SLAIN1: variants seen among roughly 807,000 people sequenced by gnomAD.
The protein encoded by SLAIN1 is SLAIN family member 1.
In SLAIN1, 17 loss-of-function variants were observed where a neutral mutation model predicts 55.4. That is an observed-to-expected ratio of 0.31 (90% confidence interval 0.21 to 0.46). The LOEUF (loss-of-function observed/expected upper bound fraction) is 0.46, where lower values mean the gene tolerates loss of function less well. Ranked by LOEUF, SLAIN1 falls within the 20% of genes least tolerant of loss-of-function variation. The probability of loss-of-function intolerance (pLI) is 1.00; values close to 1 mark genes in which losing one functional copy is unlikely to be tolerated. For missense variants in SLAIN1, 682 were observed against 785.1 expected (o/e 0.87, Z 1.57); for synonymous variants, 348 against 337.4 (o/e 1.03, Z -0.35).
chr13:77,742,032 CATGAG>C (rs1465662037), intron 2 of SLAIN1, among the ~76,000 whole-genome samples: 2 of 151,866 alleles, frequency 1.3e-5, no homozygotes, highest in African/African-American at 4.8e-5. Context: ...ATTTGTATCT[CATGAG>C]AGGAGAGTAA....
intron 2 of SLAIN1, among the ~76,000 whole-genome samples, chr13:77,734,070 A>G (rs1189694246): frequency 6.6e-6 from 1 of 152,164 alleles, no homozygotes; most frequent in Admixed American, 6.5e-5. Flanking sequence ...TAGTGTAAAC[A>G]TTTGAGCACA....
intron 1 of SLAIN1, among the ~76,000 whole-genome samples, chr13:77,718,888 G>A (rs1254811140): frequency 6.6e-6 from 1 of 152,074 alleles, no homozygotes; most frequent in African/African-American, 2.4e-5. Flanking sequence ...TAGTCATTTT[G>A]AATACTATCC....
At chr13:77,708,872 A>G (rs2091117208) in intron 1 of SLAIN1, among the ~76,000 whole-genome samples, 1 of 151,922 alleles carries the variant, frequency 6.6e-6, no homozygotes, top group Admixed American at 6.6e-5. Flanking sequence ...AAGGATCACA[A>G]CTCCTTGCCA....
In SLAIN1 at chr13:77,698,918, CGG is replaced by C. The variant is rs1566215106; in HGVS notation, c.626+383_626+384del. Reference sequence around the variant, plus strand: ...TTCCCCAGTGTTTTCGGAGGGATGACGGGGGATGGTAGGGGTTGGCCTCTGTC... The same window carrying C: ...TTCCCCAGTGTTTTCGGAGGGATGACGGGATGGTAGGGGTTGGCCTCTGTC... On this transcript the variant is annotated intron_variant, in intron 1 of 6. Transcript: ENST00000418532. This position sits in a 1 kb window ranked among gnomAD's most constrained non-coding sequence, Gnocchi z 4.1. 4.6e-6 allele frequency: 7 copies of C among 1,533,436 alleles called. No homozygotes were observed. The highest frequency in any genetic ancestry group is 2.4e-5 in the East Asian group (1 of 40,890). The allele number at this position is 1,533,436 out of a possible 1,614,324, so 95.0% of individuals were successfully genotyped here.
intron 2 of SLAIN1, among the ~76,000 whole-genome samples, chr13:77,732,144 C>T (rs1033065305): frequency 6.6e-6 from 1 of 152,046 alleles, no homozygotes; most frequent in African/African-American, 2.4e-5. Context: ...AGCCATAACT[C>T]AAAGAAGAGT....
Position 77,760,813 on chromosome 13 carries a change from C to T in SLAIN1, c.1415-15C>T, listed in dbSNP as rs1260390205. The stretch of plus-strand genomic sequence containing the variant: ...GGTAGAAGGTTGCTCACATGAATAT[C>T]ATTTTCTCTTCTAGTTCCATCACCG... On this transcript the variant is annotated splice_polypyrimidine_tract_variant and intron_variant, in intron 5 of 6. Transcript: ENST00000418532. The T allele has an allele frequency of 6.2e-7, 1 of 1,609,918 alleles. No individual in the cohort carries two copies.
At chr13:77,736,163 G>T (rs1873105658) in intron 2 of SLAIN1, among the ~76,000 whole-genome samples, 1 of 151,934 alleles carries the variant, frequency 6.6e-6, no homozygotes, top group African/African-American at 2.4e-5. Flanking sequence ...CATTTTCCTT[G>T]TTTCCAGTAG....
intron 1 of SLAIN1, 52 bp from the exon 2 acceptor site, chr13:77,719,480 G>T (rs1365515539): frequency 7.7e-7 from 1 of 1,303,444 alleles, no homozygotes; most frequent in East Asian, 2.4e-5. Flanking sequence ...CCAGAGAGAG[G>T]TACTCTCTGT....
intron 5 of SLAIN1, among the ~76,000 whole-genome samples, chr13:77,755,148 G>T (rs1312357695): frequency 3.5e-4 from 53 of 151,790 alleles, no homozygotes; most frequent in Non-Finnish European, 4.4e-5. Flanking sequence ...ATGAAACCCC[G>T]TCTCTACAAA....
chr13:77,729,711 G>C (rs1276511586), intron 2 of SLAIN1, among the ~76,000 whole-genome samples: 2 of 152,108 alleles, frequency 1.3e-5, no homozygotes, highest in Non-Finnish European at 2.9e-5. Flanking sequence ...TCAGTGCCTG[G>C]CCTTGGGAAC....
At chr13:77,736,858 C>T (rs560114776) in intron 2 of SLAIN1, among the ~76,000 whole-genome samples, 28 of 151,300 alleles carry the variant, frequency 1.9e-4, no homozygotes, top group Admixed American at 3.3e-4. Context: ...CCCAAATTAT[C>T]TTTCTCAGTT....
At chr13:77,731,819 A>G (rs1452675440) in intron 2 of SLAIN1, among the ~76,000 whole-genome samples, 2 of 152,136 alleles carry the variant, frequency 1.3e-5, no homozygotes, top group African/African-American at 4.8e-5. Flanking sequence ...ATGGTGGGAA[A>G]TCAGATACCA....
intron 2 of SLAIN1, among the ~76,000 whole-genome samples, chr13:77,739,291 TTA>T (rs1873291207): frequency 6.6e-6 from 1 of 151,976 alleles, no homozygotes; most frequent in Non-Finnish European, 1.5e-5. Flanking sequence ...GCAAAGTAAT[TTA>T]TATGTCAGGA....
intron 2 of SLAIN1, among the ~76,000 whole-genome samples, chr13:77,739,863 C>T (rs1280757842): frequency 6.6e-6 from 1 of 151,960 alleles, no homozygotes; most frequent in Non-Finnish European, 1.5e-5. Flanking sequence ...AAAATAACTA[C>T]ACAGATGTGT....
In SLAIN1 at chr13:77,761,021, G is replaced by A. The variant is rs964705359; in HGVS notation, c.1608G>A (p.Gly536=). The part of the protein sequence containing the change: ...IPTPNKAAAS[G]IMGRSALPRP... ...CACCGAACAAAGCTGCAGCTTCTGG[G>A]ATAATGGGTCGCAGTGCACTCCCAA... Residue 536 remains glycine (G), a synonymous_variant, in exon 6 of 7, where the codon GGG becomes GGA. Transcript: ENST00000418532. 13 of 1,614,088 alleles carry A rather than the reference G, an allele frequency of 8.1e-6. No individual in the cohort carries two copies. Among genetic ancestry groups the A allele is most frequent in the Non-Finnish European group, 6.8e-6 (8 of 1,180,036 alleles).
At chr13:77,710,834 G>A (rs1476198129) in intron 1 of SLAIN1, among the ~76,000 whole-genome samples, 1 of 151,994 alleles carries the variant, frequency 6.6e-6, no homozygotes, top group Non-Finnish European at 1.5e-5. Flanking sequence ...CCACATAATT[G>A]GAAGTAAAAC....
At chr13:77,716,157 G>T (rs1457470606) in intron 1 of SLAIN1, among the ~76,000 whole-genome samples, 6 of 149,032 alleles carry the variant, frequency 4.0e-5, no homozygotes, top group Admixed American at 6.7e-5. Flanking sequence ...TACCCATTTT[G>T]TTCCAACACC....
intron 1 of SLAIN1, among the ~76,000 whole-genome samples, chr13:77,717,891 AAC>A (rs1344955991): frequency 6.6e-6 from 1 of 152,160 alleles, no homozygotes; most frequent in Admixed American, 6.6e-5. Context: ...CATTGAGAAT[AAC>A]TAGCCTGGAC....
At chr13:77,756,804 G>C (rs1874639725) in intron 5 of SLAIN1, among the ~76,000 whole-genome samples, 1 of 152,076 alleles carries the variant, frequency 6.6e-6, no homozygotes, top group African/African-American at 2.4e-5. Flanking sequence ...ATACTAATAA[G>C]TCTATTCCTA....
Sources: allele counts gnomAD v4.1 joint callset (sites outside exome capture counted in the v4.1 genomes callset), GRCh38; gene constraint gnomAD v4.1.1; non-coding constraint Gnocchi (gnomAD v3.1); transcripts MANE v1.5; gene names NCBI Gene and HGNC (gene_info 2026-07-23, HGNC 2026-07-21).